Variants in FANCB observed in about 807,000 individuals in gnomAD.
FANCB encodes the protein FA complementation group B.
A neutral mutation model predicts 38.9 loss-of-function variants in FANCB; 5 were observed. The observed-to-expected ratio is 0.13, with a 90% CI of 0.07 to 0.27. The LOEUF is 0.27. Among genes scored for constraint, FANCB ranks in the 10% least tolerant of loss-of-function variants. FANCB has a pLI of 1.00. For synonymous variants in FANCB, 236 were observed against 215.4 expected, an observed-to-expected ratio of 1.10 and a Z score of -0.84; for missense variants, 573 against 602.7, an observed-to-expected ratio of 0.95 and a Z score of 0.52.
downstream of FANCB, chrX:14,834,765 T>C: frequency 7.9e-6 from 5 of 631,886 alleles, no homozygotes; most frequent in Non-Finnish European, 1.3e-5. Flanking sequence ...TGTAGTATCT[T>C]GTATAGATTT....
At chrX:14,732,123 G>C in the FANCB span, among the ~76,000 whole-genome samples, 6 of 110,556 alleles carry the variant, frequency 5.4e-5, no homozygotes, top group South Asian at 3.9e-4. Flanking sequence ...TTATGAGTGA[G>C]AACATGCGGT....
At chrX:14,851,866 C>A (rs2092403098) in intron 6 of FANCB, among the ~76,000 whole-genome samples, 1 of 111,599 alleles carries the variant, frequency 9.0e-6, no homozygotes, top group Non-Finnish European at 1.9e-5. Context: ...ATTACATTAA[C>A]AAGATCATAT....
chrX:14,793,551 C>T, the FANCB span, among the ~76,000 whole-genome samples: 17 of 111,737 alleles, frequency 1.5e-4, no homozygotes, highest in African/African-American at 5.2e-4. Context: ...AAAGCTGTTA[C>T]GAAAAAAAGA....
the FANCB span, among the ~76,000 whole-genome samples, chrX:14,816,302 G>A: frequency 4.5e-5 from 5 of 111,492 alleles, no homozygotes; most frequent in Admixed American, 1.9e-4. Context: ...TTTACTTGTA[G>A]GCAAAGAAGG....
the FANCB span, among the ~76,000 whole-genome samples, chrX:14,740,953 A>AACACACGCGCACACAC: frequency 9.1e-6 from 1 of 110,013 alleles, no homozygotes; most frequent in Non-Finnish European, 1.9e-5. Flanking sequence ...CTAATACACA[A>AACACACGCGCACACAC]ACACATGCAC....
the FANCB span, among the ~76,000 whole-genome samples, chrX:14,742,077 G>A: frequency 9.0e-6 from 1 of 111,630 alleles, no homozygotes; most frequent in Non-Finnish European, 1.9e-5. Context: ...AGTTTCTTAA[G>A]GACAAGTGCA....
At chrX:14,782,336 C>T in the FANCB span, among the ~76,000 whole-genome samples, 7 of 111,769 alleles carry the variant, frequency 6.3e-5, no homozygotes, top group East Asian at 2.8e-4. Flanking sequence ...GTTTTGTCTG[C>T]GGGATTTATT....
the FANCB span, among the ~76,000 whole-genome samples, chrX:14,776,341 T>C: frequency 8.9e-6 from 1 of 111,791 alleles, no homozygotes; most frequent in Non-Finnish European, 1.9e-5. Flanking sequence ...CAAAAATACC[T>C]GTTGGACATT....
chrX:14,811,610 G>C, the FANCB span, among the ~76,000 whole-genome samples: 1 of 112,041 alleles, frequency 8.9e-6, no homozygotes, highest in East Asian at 2.8e-4. Context: ...TCAACAAGAA[G>C]AGCTGACTAT....
the FANCB span, among the ~76,000 whole-genome samples, chrX:14,711,109 T>G: frequency 8.9e-6 from 1 of 112,330 alleles, no homozygotes; most frequent in East Asian, 2.8e-4. Flanking sequence ...CCTTCATTCT[T>G]TTGAAAATAC....
At chrX:14,792,183 A>G in the FANCB span, among the ~76,000 whole-genome samples, 12 of 112,113 alleles carry the variant, frequency 1.1e-4, no homozygotes, top group Admixed American at 6.7e-4. Context: ...TGGGTCAGGA[A>G]TATCTTGCTA....
the FANCB span, chrX:14,690,691 G>C: frequency 4.9e-3 from 4,562 of 923,786 alleles, 97 homozygotes; most frequent in African/African-American, 0.076. Context: ...GTGTGTGTGT[G>C]TCTCTCTCTC....
At chrX:14,843,304 C>A (rs751427028), downstream of FANCB, 38 of 306,786 alleles carry the variant, frequency 1.2e-4, no homozygotes, top group Admixed American at 2.9e-4. Context: ...CCCTGCCTCA[C>A]CCCTTCCTGA....
chrX:14,810,634 C>T, the FANCB span, among the ~76,000 whole-genome samples: 352 of 111,058 alleles, frequency 3.2e-3, 3 homozygotes, highest in Non-Finnish European at 4.7e-3. Flanking sequence ...TAAAAAGAAA[C>T]GAACAAAGCC....
the FANCB span, among the ~76,000 whole-genome samples, chrX:14,802,763 G>A: frequency 8.9e-6 from 1 of 112,118 alleles, no homozygotes; most frequent in Non-Finnish European, 1.9e-5. Flanking sequence ...TTGATTGAGT[G>A]GTTGGATGGG....
rs764817410 is a variant in FANCB, at chrX:14,850,652, C to T, written c.1349G>A (p.Cys450Tyr). The T allele has an allele frequency of 1.6e-5, 19 of 1,158,709 alleles. No individual in the cohort carries two copies. The highest frequency in any genetic ancestry group is 2.2e-5 in the Admixed American group (1 of 44,608). ...AEEKECLVPLCGEEENSVHIL... is the reference protein window; with the variant it reads ...AEEKECLVPLYGEEENSVHIL... Reference sequence around the variant, plus strand: ...ATGGACAGAATTTTCTTCTTCACCACAAAGAGGAACAAGACATTCCTTCTA... The same window carrying T: ...ATGGACAGAATTTTCTTCTTCACCATAAAGAGGAACAAGACATTCCTTCTA... Residue 450 changes from cysteine (C) to tyrosine (Y), a missense_variant, in exon 7 of 10, where the codon TGT (cysteine) becomes TAT (tyrosine). Transcript: ENST00000650831.
At chrX:14,705,505 G>A in the FANCB span, among the ~76,000 whole-genome samples, 1 of 111,974 alleles carries the variant, frequency 8.9e-6, no homozygotes, top group Admixed American at 9.4e-5. Context: ...ATAGTGTCAA[G>A]TTTGAAAAAC....
At chrX:14,754,720 C>A in the FANCB span, among the ~76,000 whole-genome samples, 8 of 109,814 alleles carry the variant, frequency 7.3e-5, no homozygotes, top group South Asian at 7.8e-4. Flanking sequence ...ATTTAAGGTT[C>A]AGGGGTACAC....
chrX:14,740,125 G>GT, the FANCB span, among the ~76,000 whole-genome samples: 1 of 111,668 alleles, frequency 9.0e-6, no homozygotes, highest in Non-Finnish European at 1.9e-5. Context: ...CACGTGCAAG[G>GT]ATCAGGACTA....
Sources: gnomAD v4.1 joint callset for allele counts (sites outside exome capture counted in the v4.1 genomes callset) on GRCh38, gnomAD v4.1.1 for gene constraint, MANE v1.5 for transcripts, NCBI Gene and HGNC (gene_info 2026-07-23, HGNC 2026-07-21) for gene names.